WAPL: variants seen among roughly 807,000 people sequenced by gnomAD.
WAPL encodes the protein wings apart-like protein homolog.
WAPL carries 5 observed loss-of-function variants against 121.0 expected under a neutral mutation model. The ratio of observed to expected loss-of-function variants is 0.04; its 90% CI spans 0.02 to 0.09. The LOEUF (loss-of-function observed/expected upper bound fraction) is 0.09, where lower values mean the gene tolerates loss of function less well. Ranked by LOEUF, WAPL falls within the 10% of genes least tolerant of loss-of-function variation. The pLI is 1.00. For missense variants in WAPL, 999 were observed against 1,410.8 expected (o/e 0.71, Z 4.68); for synonymous variants, 480 against 481.5 (o/e 1.00, Z 0.04).
Position 86,500,188 on chromosome 10 carries a change from A to G in WAPL, c.1055T>C (p.Val352Ala), listed in dbSNP as rs1397140028. 1.2e-6 allele frequency: 2 copies of G among 1,614,072 alleles called. No homozygotes were observed. Among genetic ancestry groups the G allele is most frequent in the Non-Finnish European group, 1.7e-6 (2 of 1,180,042 alleles). ...AACAGTGTAATCTCTAGTCCGTCCA[A>G]CTGTCCCTCTAAAACTGGTCCCACA... ...VSCGTSFRGT[V>A]GRTRDYTVLH... The change falls in exon 3 of 19, where the codon GTT becomes GCT. Residue 352 changes from valine to alanine, a missense_variant. Transcript: ENST00000298767.
intron 2 of WAPL, among the ~76,000 whole-genome samples, chr10:86,513,973 A>G (rs1842512184): frequency 1.3e-5 from 2 of 152,230 alleles, no homozygotes; most frequent in Non-Finnish European, 2.9e-5. Context: ...AGGTACATGA[A>G]TACTTGCATC....
chr10:86,467,640 C>T (rs1281541714), intron 8 of WAPL, 134 bp from the exon 9 acceptor site: 2 of 653,900 alleles, frequency 3.1e-6, no homozygotes, highest in Admixed American at 7.1e-5. Context: ...ATGTTGGAAA[C>T]TTCAAAAACG....
chr10:86,469,014 C>A (rs1293501260), intron 8 of WAPL, among the ~76,000 whole-genome samples: 1 of 151,822 alleles, frequency 6.6e-6, no homozygotes, highest in African/African-American at 2.4e-5. Context: ...TGAGGCAGGA[C>A]AATCGCTTGA....
Position 86,500,047 on chromosome 10 carries a change from C to G in WAPL, c.1196G>C (p.Arg399Thr). 6.2e-7 allele frequency: 1 copy of G among 1,613,754 alleles called. No homozygotes were observed. Among genetic ancestry groups the G allele is most frequent in the Non-Finnish European group, 8.5e-7 (1 of 1,179,924 alleles). The change falls in exon 3 of 19, where the codon AGA becomes ACA. Residue 399 changes from arginine (R) to threonine (T), a missense_variant. Arg to Thr is a moderately conservative substitution (Grantham distance 71). Coordinates refer to ENST00000298767, the MANE Select transcript of WAPL (RefSeq NM_015045.5). ...AGAAGTTGCAATATCTGCCTTTTTT[C>G]TGAGACGACCAGCTTCTCCCAAATC... is the stretch of plus-strand genomic sequence containing the variant. ...PADLGEAGRL[R>T]KKADIATSKT...
At chr10:86,492,295 A>G (rs935807398) in intron 4 of WAPL, among the ~76,000 whole-genome samples, 1 of 152,214 alleles carries the variant, frequency 6.6e-6, no homozygotes, top group Non-Finnish European at 1.5e-5. Flanking sequence ...GTAAGAAATA[A>G]CGATTAGAAA....
At chr10:86,462,562 A>T (rs1262562716) in intron 9 of WAPL, among the ~76,000 whole-genome samples, 1 of 151,946 alleles carries the variant, frequency 6.6e-6, no homozygotes, top group Non-Finnish European at 1.5e-5. Context: ...TCTACTAAAA[A>T]TACACAAATT....
rs1338946226 is a variant in WAPL, at chr10:86,463,764, TC to T, written c.2371-2478del. 6.6e-5 allele frequency among the ~76,000 whole-genome samples: 10 copies of T among 152,206 alleles called. No homozygotes were observed. The East Asian group carries it at 1.9e-3, about 29-fold the overall frequency. Reference sequence around the variant, plus strand: ...CTGCAAGCTCTACTCATGGTAAGTGTCCATATGGGTGTATCTTTTTAAATCT... The same window carrying T: ...CTGCAAGCTCTACTCATGGTAAGTGTCATATGGGTGTATCTTTTTAAATCT... On this transcript the variant is annotated intron_variant, in intron 9 of 18. Transcript: ENST00000298767.
At position 86,452,040 on chromosome 10, in the gene WAPL, G is replaced by A; in HGVS notation, c.3041C>T (p.Ser1014Phe). The A allele has an allele frequency of 1.2e-6, 2 of 1,614,100 alleles. No individual in the cohort carries two copies. Among genetic ancestry groups the A allele is most frequent in the Admixed American group, 1.7e-5 (1 of 60,012 alleles). Reference protein sequence around the residue: ...NMETSCSFDSSICSGEGDDSL... With the variant: ...NMETSCSFDSFICSGEGDDSL... Reference sequence around the variant, plus strand: ...ATCATCCCCTTCTCCACTACAGATGGAAGAATCAAAAGAGCACGATGTTTC... The same window carrying A: ...ATCATCCCCTTCTCCACTACAGATGAAAGAATCAAAAGAGCACGATGTTTC... The change falls in exon 15 of 19, where the codon TCC becomes TTC. Residue 1014 changes from serine (S) to phenylalanine (F), a missense_variant. Ser to Phe is a radical substitution (Grantham distance 155). This residue lies in a region of WAPL where 126 missense variants were observed against 144.0 expected (regional missense o/e 0.87). Transcript: ENST00000298767.
chr10:86,466,852 C>G (rs1841409670), intron 9 of WAPL, among the ~76,000 whole-genome samples: 1 of 152,098 alleles, frequency 6.6e-6, no homozygotes, highest in Admixed American at 6.5e-5. Flanking sequence ...GTGCACACCA[C>G]CATATCTGGC....
intron 4 of WAPL, among the ~76,000 whole-genome samples, chr10:86,479,088 C>T (rs747129397): frequency 6.6e-6 from 1 of 151,570 alleles, no homozygotes; most frequent in Admixed American, 6.6e-5. Flanking sequence ...GACAGAGTGA[C>T]ACTCCATCTC....
Position 86,500,393 on chromosome 10 carries a change from C to T in WAPL, c.850G>A (p.Val284Ile), listed in dbSNP as rs138448848. The change falls in exon 3 of 19, where the codon GTA becomes ATA. Residue 284 changes from valine to isoleucine, a missense_variant. Coordinates refer to ENST00000298767, the MANE Select transcript of WAPL (RefSeq NM_015045.5). ...NLNEAIEEDI[V>I]QSVLRPTNCR... Reference sequence around the variant, plus strand: ...TTGGTTGGCCTAAGAACACTTTGTACAATATCTTCCTCAATGGCTTCATTC... The same window carrying T: ...TTGGTTGGCCTAAGAACACTTTGTATAATATCTTCCTCAATGGCTTCATTC... 2.3e-4 allele frequency: 370 copies of T among 1,614,176 alleles called. No homozygotes were observed. The highest frequency in any genetic ancestry group is 2.7e-4 in the Non-Finnish European group (323 of 1,180,032).
intron 10 of WAPL, among the ~76,000 whole-genome samples, chr10:86,460,883 T>C (rs1043506080): frequency 1.3e-5 from 2 of 152,148 alleles, no homozygotes; most frequent in African/African-American, 4.8e-5. Context: ...CTGGCTAGTT[T>C]TGTATTTTTA....
chr10:86,472,481 G>A lies in WAPL; in HGVS notation c.1893+131C>T, dbSNP rs1196840014. ...AAAATATTTTTAGAACAAGGATGAT[G>A]GTAGGACAAAAGAAGTTTGTGGTTC... On this transcript the variant is annotated intron_variant, in intron 6 of 18. Coordinates refer to ENST00000298767, the MANE Select transcript of WAPL (RefSeq NM_015045.5). This position sits in a 1 kb window ranked among gnomAD's most constrained non-coding sequence, Gnocchi z 4.2. 8.0e-6 allele frequency: 12 copies of A among 1,501,752 alleles called. No individual in the cohort carries two copies. The highest frequency in any genetic ancestry group is 1.1e-5 in the Non-Finnish European group (12 of 1,119,432). 93.0% of individuals were successfully genotyped at this position (1,501,752 alleles called of 1,614,324 possible). A position where few individuals can be genotyped will look rare whatever the true frequency, so the allele number is the denominator to read the frequency against.
At chr10:86,454,313 C>G (rs570550451) in intron 12 of WAPL, among the ~76,000 whole-genome samples, 1 of 152,308 alleles carries the variant, frequency 6.6e-6, no homozygotes, top group African/African-American at 2.4e-5. Flanking sequence ...ATTGACATGT[C>G]TCCTCGACAA....
intron 15 of WAPL, among the ~76,000 whole-genome samples, chr10:86,446,756 A>C: frequency 6.6e-6 from 1 of 152,220 alleles, no homozygotes; most frequent in East Asian, 1.9e-4. Flanking sequence ...AAAATTCTTA[A>C]GTCAAAAGGG....
intron 4 of WAPL, among the ~76,000 whole-genome samples, chr10:86,488,082 T>C (rs970467722): frequency 6.6e-6 from 1 of 151,872 alleles, no homozygotes; most frequent in Non-Finnish European, 1.5e-5. Flanking sequence ...TGGAGGATAA[T>C]GGAAACCAGA....
chr10:86,484,279 T>G (rs1328675442), intron 4 of WAPL, among the ~76,000 whole-genome samples: 1 of 152,178 alleles, frequency 6.6e-6, no homozygotes, highest in Non-Finnish European at 1.5e-5. Context: ...GAGGATTGCT[T>G]GAGCCCAGGA....
intron 4 of WAPL, among the ~76,000 whole-genome samples, chr10:86,489,956 G>A (rs760573986): frequency 6.6e-6 from 1 of 151,552 alleles, no homozygotes; most frequent in African/African-American, 2.4e-5. Context: ...ACGGTGGGAG[G>A]CCAACTTTGG....
chr10:86,508,964 C>T (rs373714334), intron 2 of WAPL, among the ~76,000 whole-genome samples: 1 of 151,948 alleles, frequency 6.6e-6, no homozygotes, highest in Non-Finnish European at 1.5e-5. Context: ...ACCGTGGTCT[C>T]GATCTCCTGA....
Sources: gnomAD v4.1 joint callset for allele counts (sites outside exome capture counted in the v4.1 genomes callset) on GRCh38, gnomAD v4.1.1 for gene constraint, gnomAD v4.1.1 regional missense constraint, Gnocchi (gnomAD v3.1) non-coding constraint, MANE v1.5 for transcripts, NCBI Gene and HGNC (gene_info 2026-07-23, HGNC 2026-07-21) for gene names.